TMEM132B: variants seen among roughly 807,000 people sequenced by gnomAD.
The protein encoded by TMEM132B is transmembrane protein 132B.
Under a neutral mutation model 90.8 loss-of-function variants are expected in TMEM132B, and 18 were observed. That is an observed-to-expected ratio of 0.20 (90% CI 0.14 to 0.29). The LOEUF (loss-of-function observed/expected upper bound fraction) is 0.29. Among genes scored for constraint, TMEM132B ranks in the 10% least tolerant of loss-of-function variants. The probability of loss-of-function intolerance (pLI) is 1.00; values close to 1 mark genes in which losing one functional copy is unlikely to be tolerated. For synonymous variants in TMEM132B, 504 were observed against 523.3 expected, an observed-to-expected ratio of 0.96 and a Z score of 0.50; for missense variants, 1,096 against 1,326.8, an observed-to-expected ratio of 0.83 and a Z score of 2.70.
chr12:125,359,965 C>G (rs1877907776), intron 2 of TMEM132B, among the ~76,000 whole-genome samples: 1 of 152,268 alleles, frequency 6.6e-6, no homozygotes, highest in East Asian at 1.9e-4. Context: ...CTAGTCCCAG[C>G]TACTTGGGAG....
chr12:125,188,207 C>T (rs1318457133), intron 1 of TMEM132B, among the ~76,000 whole-genome samples: 2 of 152,180 alleles, frequency 1.3e-5, no homozygotes, highest in Non-Finnish European at 2.9e-5. Context: ...GGCTTTGGTT[C>T]AGCCTAGAGA....
At chr12:125,510,758 T>C (rs1882955843) in intron 3 of TMEM132B, among the ~76,000 whole-genome samples, 1 of 152,244 alleles carries the variant, frequency 6.6e-6, no homozygotes, top group African/African-American at 2.4e-5. Context: ...GGCATTATCA[T>C]TACCATGCAT....
Position 125,325,668 on chromosome 12 carries a change from CCTGTGTGTGTGTGTGTGTGTGTGT to C in TMEM132B, c.68-23783_68-23760del, listed in dbSNP as rs1380620345. ...CTTGCATTCTTTCCCTGCCTCCCACCCTGTGTGTGTGTGTGTGTGTGTGTGTGTGTGTGTGTGTGTGTGTGTGTG... is the reference window on the plus strand; with the variant it reads ...CTTGCATTCTTTCCCTGCCTCCCACCGTGTGTGTGTGTGTGTGTGTGTGTG... On this transcript the variant is annotated intron_variant, in intron 1 of 8. Transcript: ENST00000682704. Among the ~76,000 whole-genome samples, 524 of 139,468 alleles carry C rather than the reference CCTGTGTGTGTGTGTGTGTGTGTGT, an allele frequency of 3.8e-3. 1 individual carries two copies. The highest frequency in any genetic ancestry group is 6.4e-3 in the Non-Finnish European group (413 of 64,110). 91.5% of individuals were successfully genotyped at this position (139,468 alleles called of 152,430 possible). A position where few individuals can be genotyped will look rare whatever the true frequency, so the allele number is the denominator to read the frequency against.
intron 4 of TMEM132B, among the ~76,000 whole-genome samples, chr12:125,566,132 A>T (rs1592996829): frequency 6.6e-6 from 1 of 152,296 alleles, no homozygotes; most frequent in Admixed American, 6.5e-5. Flanking sequence ...AAATGACCAA[A>T]ACCTTTAGTA....
At chr12:125,487,503 A>G (rs10846901) in intron 3 of TMEM132B, among the ~76,000 whole-genome samples, 47,967 of 152,114 alleles carry the variant, frequency 0.32, 7,750 homozygotes, top group East Asian at 0.52. Context: ...CAGCGATGCT[A>G]GCCACTTCTG....
At chr12:125,355,829 G>A (rs1267914871) in intron 2 of TMEM132B, among the ~76,000 whole-genome samples, 1 of 152,140 alleles carries the variant, frequency 6.6e-6, no homozygotes, top group Non-Finnish European at 1.5e-5. Context: ...ACCATTCCAC[G>A]TGCCATGCTG....
At chr12:125,367,129 T>A (rs1389976486) in intron 2 of TMEM132B, among the ~76,000 whole-genome samples, 2 of 152,238 alleles carry the variant, frequency 1.3e-5, no homozygotes, top group African/African-American at 2.4e-5. Flanking sequence ...TAAAATGCTC[T>A]TCTGGTAATT....
chr12:125,255,188 GGCTTGCGGGGAGGAGAGGGTGGCA>G (rs1160106925), intron 1 of TMEM132B, among the ~76,000 whole-genome samples: 5 of 152,104 alleles, frequency 3.3e-5, no homozygotes, highest in Admixed American at 1.3e-4. Context: ...CCAAGGTAGG[GGCTTGCGGGGAGGAGAGGGTGGCA>G]GCTTGCGGAG....
intron 4 of TMEM132B, among the ~76,000 whole-genome samples, chr12:125,562,241 T>C (rs1326519650): frequency 6.6e-6 from 1 of 152,194 alleles, no homozygotes; most frequent in Non-Finnish European, 1.5e-5. Flanking sequence ...TGTCACAGAA[T>C]TGAAGAGAGA....
At position 125,344,059 on chromosome 12, in the gene TMEM132B, C is replaced by T. The variant is rs149279418; in HGVS notation, c.68-5393C>T. Reference sequence around the variant, plus strand: ...TCCTGCTAGGTACTGGAGATTGTGCCGTAAACTGGACATCAAAGCCCCTTC... The same window carrying T: ...TCCTGCTAGGTACTGGAGATTGTGCTGTAAACTGGACATCAAAGCCCCTTC... On this transcript the variant is annotated intron_variant, in intron 1 of 8. Coordinates refer to ENST00000682704, the MANE Select transcript of TMEM132B (RefSeq NM_001366854.1). Among the ~76,000 whole-genome samples, 610 of 152,188 alleles carry T rather than the reference C, an allele frequency of 4.0e-3. 8 individuals are homozygous for T. The highest frequency in any genetic ancestry group is 0.013 in the African/African-American group (553 of 41,508).
At chr12:125,470,790 A>G (rs1447983516) in intron 3 of TMEM132B, among the ~76,000 whole-genome samples, 1 of 152,144 alleles carries the variant, frequency 6.6e-6, no homozygotes, top group Non-Finnish European at 1.5e-5. Flanking sequence ...GGGTCAGAAT[A>G]AGGACATGGT....
intron 1 of TMEM132B, among the ~76,000 whole-genome samples, chr12:125,252,387 G>C (rs1874336808): frequency 6.6e-6 from 1 of 152,196 alleles, no homozygotes; most frequent in Non-Finnish European, 1.5e-5. Context: ...AGGCGTGTCT[G>C]TTCCAGCCTC....
chr12:125,440,563 T>G (rs1306090932), intron 3 of TMEM132B, among the ~76,000 whole-genome samples: 8 of 152,166 alleles, frequency 5.3e-5, no homozygotes, highest in Non-Finnish European at 1.0e-4. Flanking sequence ...AACTAGTACC[T>G]TGCATCTCCC....
chr12:125,276,536 TG>T (rs1428979268), intron 1 of TMEM132B, among the ~76,000 whole-genome samples: 1 of 152,198 alleles, frequency 6.6e-6, no homozygotes, highest in Non-Finnish European at 1.5e-5. Flanking sequence ...CAATGCTGTC[TG>T]GGGGTGTCCG....
At chr12:125,268,854 A>G (rs887923266) in intron 1 of TMEM132B, among the ~76,000 whole-genome samples, 3 of 152,226 alleles carry the variant, frequency 2.0e-5, no homozygotes, top group Admixed American at 6.5e-5. Context: ...TGGGTTTCCC[A>G]GGCATCACAC....
At position 125,651,003 on chromosome 12, in the gene TMEM132B, C is replaced by G. The variant is rs1360678763; in HGVS notation, c.1914+50C>G. ...ACAGCAGTCTGTGTTGATGAGTGGC[C>G]AGGTAGATGCTGTTGTGCAGATGTG... is the stretch of plus-strand genomic sequence containing the variant. On this transcript the variant is annotated intron_variant, in intron 7 of 8. Transcript: ENST00000682704. 3.8e-6 allele frequency: 6 copies of G among 1,598,728 alleles called. No homozygotes were observed. The South Asian group carries it at 5.6e-5, about 15-fold the overall frequency.
At chr12:125,266,318 T>C (rs1012594340) in intron 1 of TMEM132B, among the ~76,000 whole-genome samples, 2 of 152,238 alleles carry the variant, frequency 1.3e-5, no homozygotes, top group Non-Finnish European at 2.9e-5. Context: ...ATATTTACTC[T>C]CTGGCCCTTT....
At chr12:125,401,975 T>G (rs1411901308) in intron 2 of TMEM132B, among the ~76,000 whole-genome samples, 1 of 152,182 alleles carries the variant, frequency 6.6e-6, no homozygotes, top group African/African-American at 2.4e-5. Context: ...TTTCTTCCAG[T>G]TTTCTATAAC....
chr12:125,206,406 T>G (rs926322525), intron 1 of TMEM132B, among the ~76,000 whole-genome samples: 2 of 152,080 alleles, frequency 1.3e-5, no homozygotes, highest in Non-Finnish European at 2.9e-5. Flanking sequence ...CCTGGCTAAT[T>G]TTTGTAGTTT....
Sources: allele counts gnomAD v4.1 joint callset (sites outside exome capture counted in the v4.1 genomes callset), GRCh38; gene constraint gnomAD v4.1.1; transcripts MANE v1.5; gene names NCBI Gene and HGNC (gene_info 2026-07-23, HGNC 2026-07-21).